The following AK8 variants were observed in gnomAD, a reference collection of about 807,000 sequenced individuals.
The protein encoded by AK8 is ATP-AMP transphosphorylase 8.
Under a neutral mutation model 54.6 loss-of-function variants are expected in AK8, and 44 were observed. That is an observed-to-expected ratio of 0.81 (90% CI 0.63 to 1.04). AK8 has a LOEUF of 1.04. AK8 is among the 50% of genes least tolerant of loss of function. AK8 has a pLI of 0.00. For missense variants in AK8, 555 were observed against 613.6 expected, an observed-to-expected ratio of 0.90 and a Z score of 1.01; for synonymous variants, 239 against 245.6, an observed-to-expected ratio of 0.97 and a Z score of 0.25.
At chr9:132,802,907 G>A (rs377671522) in intron 10 of AK8, among the ~76,000 whole-genome samples, 3 of 152,292 alleles carry the variant, frequency 2.0e-5, no homozygotes, top group East Asian at 3.9e-4. Flanking sequence ...GGGGTAGCTT[G>A]TTAGGCTACA....
chr9:132,821,745 G>T (rs901560073), intron 9 of AK8, among the ~76,000 whole-genome samples: 1 of 127,298 alleles, frequency 7.9e-6, no homozygotes, highest in East Asian at 2.2e-4. Context: ...ATATTTGTAT[G>T]TATATACAAA....
intron 11 of AK8, among the ~76,000 whole-genome samples, chr9:132,750,520 C>A (rs1837865752): frequency 6.6e-6 from 1 of 151,944 alleles, no homozygotes; most frequent in Admixed American, 6.6e-5. Context: ...CCAAGGACTT[C>A]CCTGAATATT....
chr9:132,795,263 G>A (rs1840109338), intron 10 of AK8, among the ~76,000 whole-genome samples: 1 of 152,192 alleles, frequency 6.6e-6, no homozygotes, highest in Non-Finnish European at 1.5e-5. Flanking sequence ...AAGCTCGGGA[G>A]GGAGCTGGCA....
upstream of AK8, chr9:132,878,544 C>A (rs1844265296): frequency 1.7e-6 from 2 of 1,167,440 alleles, no homozygotes; most frequent in Non-Finnish European, 2.1e-6. This position sits in a 1 kb window ranked among gnomAD's most constrained non-coding sequence, Gnocchi z 4.7. Context: ...AGACCCCCGA[C>A]GAAACCCAGA....
intron 9 of AK8, among the ~76,000 whole-genome samples, chr9:132,817,069 G>T (rs1841365894): frequency 6.6e-6 from 1 of 152,178 alleles, no homozygotes; most frequent in African/African-American, 2.4e-5. Context: ...ACACAGGGCT[G>T]GGAGATGCTG....
At position 132,770,611 on chromosome 9, in the gene AK8, G is replaced by A. The variant is rs887431438; in HGVS notation, c.1121+22023C>T. ...CCGGGATTGAATTGGCTGGGAAGCC[G>A]GTCCCATTTCAACAGAGACCTGGGG... On this transcript the variant is annotated intron_variant, in intron 11 of 12. Transcript: ENST00000298545. This position sits in a 1 kb window ranked among gnomAD's most constrained non-coding sequence, Gnocchi z 4.3. 6.6e-6 allele frequency among the ~76,000 whole-genome samples: 1 copy of A among 152,190 alleles called. No homozygotes were observed. The highest frequency in any genetic ancestry group is 1.5e-5 in the Non-Finnish European group (1 of 68,040).
chr9:132,857,348 T>G (rs1210675414), intron 4 of AK8, among the ~76,000 whole-genome samples: 1 of 152,130 alleles, frequency 6.6e-6, no homozygotes, highest in Middle Eastern at 3.2e-3. Flanking sequence ...GGAGAACCAC[T>G]GGCATAAGCC....
At chr9:132,820,565 G>C (rs2131280893) in intron 9 of AK8, among the ~76,000 whole-genome samples, 1 of 152,286 alleles carries the variant, frequency 6.6e-6, no homozygotes, top group South Asian at 2.1e-4. Context: ...CTGAGTGTTG[G>C]AGCAGAATAA....
At chr9:132,819,859 A>T (rs1279516649) in intron 9 of AK8, among the ~76,000 whole-genome samples, 1 of 152,188 alleles carries the variant, frequency 6.6e-6, no homozygotes, top group East Asian at 1.9e-4. Context: ...GAAAATCCCC[A>T]AATATGTGGG....
intron 5 of AK8, among the ~76,000 whole-genome samples, chr9:132,851,324 G>A (rs556552105): frequency 6.6e-6 from 1 of 152,240 alleles, no homozygotes; most frequent in East Asian, 1.9e-4. Flanking sequence ...CAAGAGAACA[G>A]GGCAAAGCCC....
chr9:132,822,522 TG>T (rs1287340192), intron 9 of AK8, among the ~76,000 whole-genome samples: 1 of 151,896 alleles, frequency 6.6e-6, no homozygotes, highest in East Asian at 1.9e-4. Context: ...TACTTAGGTT[TG>T]TGGAGCATGG....
intron 10 of AK8, among the ~76,000 whole-genome samples, chr9:132,804,021 G>A (rs935177002): frequency 6.7e-6 from 1 of 149,878 alleles, no homozygotes; most frequent in East Asian, 2.0e-4. Context: ...CAGGAGAATC[G>A]CTTGAACCCA....
At chr9:132,794,297 G>A (rs920570482) in intron 10 of AK8, among the ~76,000 whole-genome samples, 1 of 152,192 alleles carries the variant, frequency 6.6e-6, no homozygotes, top group African/African-American at 2.4e-5. Context: ...AGTGCTCCGA[G>A]GATAAAGAGC....
intron 11 of AK8, among the ~76,000 whole-genome samples, chr9:132,741,204 CCGAGT>C (rs1837374374): frequency 6.6e-6 from 1 of 152,222 alleles, no homozygotes; most frequent in Non-Finnish European, 1.5e-5. Flanking sequence ...AAAACTCTGG[CCGAGT>C]CTTTTTCCTG....
At chr9:132,844,763 C>A (rs1842684999) in intron 5 of AK8, among the ~76,000 whole-genome samples, 1 of 152,150 alleles carries the variant, frequency 6.6e-6, no homozygotes, top group Non-Finnish European at 1.5e-5. Context: ...GATTTCCATG[C>A]TCAAGACTAG....
chr9:132,763,156 G>A (rs978302375), intron 11 of AK8, among the ~76,000 whole-genome samples: 1 of 152,244 alleles, frequency 6.6e-6, no homozygotes, highest in African/African-American at 2.4e-5. Flanking sequence ...GCCGGCTGCT[G>A]TATGACACCA....
At chr9:132,768,712 A>G (rs967233645) in intron 11 of AK8, among the ~76,000 whole-genome samples, 12 of 152,240 alleles carry the variant, frequency 7.9e-5, no homozygotes, top group Non-Finnish European at 1.2e-4. Flanking sequence ...TTGTAATAGA[A>G]AAAACAGGAA....
intron 5 of AK8, among the ~76,000 whole-genome samples, chr9:132,836,891 G>T (rs1335604055): frequency 1.3e-5 from 2 of 152,198 alleles, no homozygotes; most frequent in South Asian, 2.1e-4. Context: ...TAGCGTTTAG[G>T]GTTACAGGCA....
At chr9:132,829,343 C>CGGCT (rs1328935627) in intron 5 of AK8, among the ~76,000 whole-genome samples, 1 of 152,094 alleles carries the variant, frequency 6.6e-6, no homozygotes, top group African/African-American at 2.4e-5. Context: ...ACATTATCAA[C>CGGCT]GGCTGTGCAA....
Sources: allele counts gnomAD v4.1 joint callset (sites outside exome capture counted in the v4.1 genomes callset), GRCh38; gene constraint gnomAD v4.1.1; non-coding constraint Gnocchi (gnomAD v3.1); transcripts MANE v1.5; gene names NCBI Gene and HGNC (gene_info 2026-07-23, HGNC 2026-07-21).